FGF2: variants seen among roughly 807,000 people sequenced by gnomAD.
FGF2 encodes the protein basic fibroblast growth factor bFGF.
Under a neutral mutation model 15.9 loss-of-function variants are expected in FGF2, and 13 were observed. The observed-to-expected ratio is 0.82, with a 90% CI of 0.53 to 1.30. FGF2 has a LOEUF of 1.30. Ranked by LOEUF, FGF2 falls within the 50% of genes most tolerant of loss-of-function variation. FGF2 has a pLI of 0.00. For missense variants in FGF2, 163 were observed against 196.9 expected (o/e 0.83, Z 1.03); for synonymous variants, 90 against 78.4 (o/e 1.15, Z -0.78).
At chr4:122,836,593 C>T (rs308403) in intron 1 of FGF2, among the ~76,000 whole-genome samples, 64,275 of 152,066 alleles carry the variant, frequency 0.42, 16,554 homozygotes, top group African/African-American at 0.73. Flanking sequence ...TTTACTCTTT[C>T]CTATTCTGAG....
chr4:122,839,235 A>C (rs917918804), intron 1 of FGF2, among the ~76,000 whole-genome samples: 5 of 152,244 alleles, frequency 3.3e-5, no homozygotes, highest in Non-Finnish European at 7.3e-5. Context: ...AGGTACAGTA[A>C]AAATATGACA....
chr4:122,897,451 A>T lies in FGF2; in HGVS notation c.*5055A>T. ...TTCTACTAATGGAATAAACTGTAAT[A>T]TTAGAAATTATGCTGCTAATTATAT... On this transcript the variant is annotated 3_prime_UTR_variant, in exon 3 of 3. Coordinates refer to ENST00000644866, the MANE Select transcript of FGF2 (RefSeq NM_001361665.2). 1 of 630,232 alleles carries T rather than the reference A, an allele frequency of 1.6e-6. No homozygotes were observed. The highest frequency in any genetic ancestry group is 2.9e-6 in the Non-Finnish European group (1 of 350,356). 39.0% of individuals were successfully genotyped at this position (630,232 alleles called of 1,614,324 possible). A position where few individuals can be genotyped will look rare whatever the true frequency, so the allele number is the denominator to read the frequency against.
chr4:122,867,393 T>G (rs1726623611), intron 1 of FGF2, among the ~76,000 whole-genome samples: 1 of 152,246 alleles, frequency 6.6e-6, no homozygotes, highest in South Asian at 2.1e-4. Flanking sequence ...TATTATGGTG[T>G]CTTTGGAAAA....
intron 2 of FGF2, among the ~76,000 whole-genome samples, chr4:122,890,915 T>G (rs1458545972): frequency 6.6e-6 from 1 of 152,156 alleles, no homozygotes; most frequent in East Asian, 1.9e-4. Context: ...ATAATTATAA[T>G]GTAAAAATGA....
intron 1 of FGF2, among the ~76,000 whole-genome samples, chr4:122,864,337 T>TCACA (rs1726530073): frequency 6.6e-6 from 1 of 152,218 alleles, no homozygotes; most frequent in Non-Finnish European, 1.5e-5. Flanking sequence ...TTCACTCGAT[T>TCACA]CTGTTGTGTG....
intron 1 of FGF2, among the ~76,000 whole-genome samples, chr4:122,850,273 GA>G (rs956379832): frequency 3.2e-4 from 46 of 144,476 alleles, no homozygotes; most frequent in African/African-American, 7.2e-4. Flanking sequence ...AAAAAAAAAA[GA>G]AAAAAAAAAG....
intron 1 of FGF2, among the ~76,000 whole-genome samples, chr4:122,828,865 T>A (rs1725704354): frequency 1.3e-5 from 2 of 152,242 alleles, no homozygotes; most frequent in Admixed American, 1.3e-4. Flanking sequence ...TCTTTGTGAT[T>A]GAAGTTTGTT....
Position 122,892,975 on chromosome 4 carries a change from A to G in FGF2, c.*579A>G, listed in dbSNP as rs747077036. The G allele has an allele frequency of 6.2e-7, 1 of 1,614,178 alleles. No individual in the cohort carries two copies. Among genetic ancestry groups the G allele is most frequent in the Non-Finnish European group, 8.5e-7 (1 of 1,180,028 alleles). Reference sequence around the variant, plus strand: ...CTCTGTACCCATACAGCAGCAGCCTAGCAACTCTGCTGGTGATGGGAGTTG... The same window carrying G: ...CTCTGTACCCATACAGCAGCAGCCTGGCAACTCTGCTGGTGATGGGAGTTG... On this transcript the variant is annotated 3_prime_UTR_variant, in exon 3 of 3. Transcript: ENST00000644866.
chr4:122,852,674 T>C (rs1578461117), intron 1 of FGF2, among the ~76,000 whole-genome samples: 1 of 152,172 alleles, frequency 6.6e-6, no homozygotes, highest in Non-Finnish European at 1.5e-5. Flanking sequence ...CTGTGTCAGT[T>C]TTTCATATTT....
In FGF2 at chr4:122,897,356, A is replaced by G. The variant is rs1476217; in HGVS notation, c.*4960A>G. ...TACTGATGTATATCCAAAGCTTCTC[A>G]TTTTCAGACAGATTAATCCAGAAGC... On this transcript the variant is annotated 3_prime_UTR_variant, in exon 3 of 3. Transcript: ENST00000644866. 1.7e-5 allele frequency: 7 copies of G among 407,750 alleles called. No homozygotes were observed. The highest frequency in any genetic ancestry group is 2.6e-5 in the Non-Finnish European group (6 of 227,860). The allele number at this position is 407,750 out of a possible 1,614,324, so 25.3% of individuals were successfully genotyped here.
At chr4:122,826,728 G>T, upstream of FGF2, 2 of 1,258,830 alleles carry the variant, frequency 1.6e-6, no homozygotes, top group Non-Finnish European at 2.0e-6. Flanking sequence ...AAACCCGAGC[G>T]AGTAGGGGGC....
At chr4:122,840,007 C>G (rs887398806) in intron 1 of FGF2, among the ~76,000 whole-genome samples, 2 of 152,184 alleles carry the variant, frequency 1.3e-5, no homozygotes, top group African/African-American at 2.4e-5. Context: ...GCTTGTGTCT[C>G]TGTTGTCTCT....
At position 122,872,540 on chromosome 4, in the gene FGF2, C is replaced by G. The variant is rs977430915; in HGVS notation, c.179-3781C>G. 9.9e-5 allele frequency among the ~76,000 whole-genome samples: 15 copies of G among 151,326 alleles called. 1 individual carries two copies. Among genetic ancestry groups the G allele is most frequent in the African/African-American group, 3.2e-4 (13 of 41,084 alleles). On this transcript the variant is annotated intron_variant, in intron 1 of 2. Transcript: ENST00000644866. ...ATACAGAGAACACCACCAAGATACT[C>G]CACAAGAAGATCAACCCCAAGACAC...
intron 1 of FGF2, among the ~76,000 whole-genome samples, chr4:122,859,658 A>G (rs925815308): frequency 5.8e-5 from 8 of 137,620 alleles, no homozygotes; most frequent in African/African-American, 2.5e-4. Context: ...GTATATACAC[A>G]CACACACACA....
At chr4:122,882,174 C>T (rs941722771) in intron 2 of FGF2, 17 of 152,128 alleles carry the variant, frequency 1.1e-4, no homozygotes, top group African/African-American at 3.9e-4. Flanking sequence ...ACAGCCAAAC[C>T]ATATAACCTA....
intron 2 of FGF2, among the ~76,000 whole-genome samples, chr4:122,889,407 T>C (rs759615368): frequency 4.5e-4 from 69 of 152,176 alleles, no homozygotes; most frequent in Non-Finnish European, 9.7e-4. Flanking sequence ...AGGAAAACAG[T>C]TCTTTAAATA....
intron 1 of FGF2, among the ~76,000 whole-genome samples, chr4:122,873,716 T>C (rs1726783569): frequency 6.6e-6 from 1 of 152,238 alleles, no homozygotes; most frequent in Non-Finnish European, 1.5e-5. Flanking sequence ...TTAGGTTTTT[T>C]ATGCATCTCA....
At chr4:122,848,619 G>A (rs942636324) in intron 1 of FGF2, among the ~76,000 whole-genome samples, 4 of 152,138 alleles carry the variant, frequency 2.6e-5, no homozygotes, top group African/African-American at 9.7e-5. Context: ...TGTTTCTGAG[G>A]ATATGGGCCA....
intron 2 of FGF2, among the ~76,000 whole-genome samples, chr4:122,883,698 A>G (rs1056494789): frequency 5.3e-5 from 8 of 152,212 alleles, no homozygotes; most frequent in African/African-American, 1.7e-4. Flanking sequence ...AAATGACCTC[A>G]ATGTTAGCAT....
Sources: gnomAD v4.1 joint callset for allele counts (sites outside exome capture counted in the v4.1 genomes callset) on GRCh38, gnomAD v4.1.1 for gene constraint, MANE v1.5 for transcripts, NCBI Gene and HGNC (gene_info 2026-07-23, HGNC 2026-07-21) for gene names.